The following TMCC1 variants were observed in gnomAD, a reference collection of about 807,000 sequenced individuals.
TMCC1 encodes transmembrane and coiled-coil domains protein 1.
TMCC1 carries 15 observed loss-of-function variants against 52.4 expected under a neutral mutation model. That is an observed-to-expected ratio of 0.29 (90% CI 0.19 to 0.44). The LOEUF (loss-of-function observed/expected upper bound fraction) is 0.44. TMCC1 is among the 20% of genes least tolerant of loss of function. TMCC1 has a pLI of 1.00. For synonymous variants in TMCC1, 279 were observed against 301.9 expected (o/e 0.92, Z 0.79); for missense variants, 503 against 806.0 (o/e 0.62, Z 4.55).
intron 4 of TMCC1, among the ~76,000 whole-genome samples, chr3:129,765,617 A>T (rs1402404806): frequency 6.6e-6 from 1 of 152,218 alleles, no homozygotes; most frequent in East Asian, 1.9e-4. Flanking sequence ...TTTAGTAATT[A>T]GCAACACAGA....
chr3:129,738,273 CAAAAAAAA>C (rs575044593), intron 4 of TMCC1, among the ~76,000 whole-genome samples: 2 of 118,608 alleles, frequency 1.7e-5, no homozygotes, highest in East Asian at 2.8e-4. Flanking sequence ...TCCGCCTAAA[CAAAAAAAA>C]AAAAAAAAAG....
At chr3:129,794,477 T>C (rs117961992) in intron 4 of TMCC1, 16 of 434,394 alleles carry the variant, frequency 3.7e-5, no homozygotes, top group Non-Finnish European at 5.9e-5. Flanking sequence ...TGCAAAGAAT[T>C]TCCCTGGGAG....
intron 5 of TMCC1, among the ~76,000 whole-genome samples, chr3:129,664,936 T>C (rs1312817348): frequency 6.6e-6 from 1 of 152,206 alleles, no homozygotes; most frequent in Non-Finnish European, 1.5e-5. Flanking sequence ...TGTTCTCAAC[T>C]GTAAATAAGA....
At chr3:129,726,644 C>A (rs754753512) in intron 4 of TMCC1, among the ~76,000 whole-genome samples, 3 of 151,504 alleles carry the variant, frequency 2.0e-5, no homozygotes, top group African/African-American at 7.3e-5. Context: ...TTTAGGAAGG[C>A]GAGGTGGGAG....
At chr3:129,703,162 T>G (rs2047969979) in intron 4 of TMCC1, among the ~76,000 whole-genome samples, 1 of 152,210 alleles carries the variant, frequency 6.6e-6, no homozygotes, top group East Asian at 1.9e-4. Flanking sequence ...TACTTAATTT[T>G]CCACTAAATT....
chr3:129,738,342 G>A (rs557838185), intron 4 of TMCC1, among the ~76,000 whole-genome samples: 1 of 151,374 alleles, frequency 6.6e-6, no homozygotes, highest in East Asian at 1.9e-4. Flanking sequence ...TGGCTTTTCA[G>A]TTCTAACACT....
chr3:129,835,948 T>C (rs532242904), intron 2 of TMCC1, among the ~76,000 whole-genome samples: 7 of 152,278 alleles, frequency 4.6e-5, no homozygotes, highest in African/African-American at 1.2e-4. Context: ...ACATTAAATG[T>C]AATTGGACCA....
At chr3:129,886,860 C>CTTTTTTAATGATA in intron 1 of TMCC1, among the ~76,000 whole-genome samples, 1 of 152,006 alleles carries the variant, frequency 6.6e-6, no homozygotes, top group African/African-American at 2.4e-5. Flanking sequence ...TCCCTGGAAC[C>CTTTTTTAATGATA]CGGGAGGCGG....
At chr3:129,867,369 C>A (rs1347552134) in intron 2 of TMCC1, among the ~76,000 whole-genome samples, 1 of 152,182 alleles carries the variant, frequency 6.6e-6, no homozygotes, top group Non-Finnish European at 1.5e-5. Flanking sequence ...ATCAAATCCT[C>A]CTGTAATCGC....
intron 4 of TMCC1, chr3:129,688,571 C>T (rs1180069853): frequency 1.0e-6 from 1 of 985,444 alleles, no homozygotes; most frequent in Non-Finnish European, 1.2e-6. Flanking sequence ...GTGCCCACCT[C>T]AGCCTATGTA....
chr3:129,700,824 A>G (rs2047769146), intron 4 of TMCC1, among the ~76,000 whole-genome samples: 1 of 152,170 alleles, frequency 6.6e-6, no homozygotes, highest in African/African-American at 2.4e-5. Flanking sequence ...ACACTGGAAA[A>G]GCAGCTTTGA....
chr3:129,850,568 A>G (rs2059871470), intron 2 of TMCC1, among the ~76,000 whole-genome samples: 1 of 152,192 alleles, frequency 6.6e-6, no homozygotes, highest in Non-Finnish European at 1.5e-5. Context: ...TTTCTCCCCA[A>G]GCAAGCTATA....
At chr3:129,687,175 G>A (rs2089468559) in intron 4 of TMCC1, among the ~76,000 whole-genome samples, 1 of 152,072 alleles carries the variant, frequency 6.6e-6, no homozygotes, top group South Asian at 2.1e-4. Context: ...AAAAAGTCAG[G>A]TGTCAATGGA....
chr3:129,792,181 T>TAC (rs1206893121), intron 4 of TMCC1, among the ~76,000 whole-genome samples: 1 of 149,338 alleles, frequency 6.7e-6, no homozygotes, highest in Non-Finnish European at 1.5e-5. Flanking sequence ...ACTGTATATA[T>TAC]ATATATACAT....
chr3:129,824,196 T>C (rs1190143147), intron 4 of TMCC1, among the ~76,000 whole-genome samples: 1 of 151,912 alleles, frequency 6.6e-6, no homozygotes, highest in Admixed American at 6.6e-5. Flanking sequence ...ATTAGCTGGG[T>C]ATGGTGGTGT....
intron 4 of TMCC1, among the ~76,000 whole-genome samples, chr3:129,794,065 T>C (rs2056650935): frequency 6.6e-6 from 1 of 152,312 alleles, no homozygotes; most frequent in Non-Finnish European, 1.5e-5. Context: ...GGAAATTCTA[T>C]CTCAGGAGCA....
At chr3:129,732,159 T>C (rs1283648558) in intron 4 of TMCC1, among the ~76,000 whole-genome samples, 2 of 152,232 alleles carry the variant, frequency 1.3e-5, no homozygotes, top group Non-Finnish European at 1.5e-5. Flanking sequence ...GTTTTCTACA[T>C]ATACAGTGAT....
chr3:129,781,927 G>C (rs1560406787), intron 4 of TMCC1, among the ~76,000 whole-genome samples: 1 of 152,128 alleles, frequency 6.6e-6, no homozygotes, highest in African/African-American at 2.4e-5. Context: ...AAAAAGTGGA[G>C]CCAAGATAAT....
At chr3:129,663,585 CT>C (rs1436193382) in intron 5 of TMCC1, among the ~76,000 whole-genome samples, 5 of 152,102 alleles carry the variant, frequency 3.3e-5, no homozygotes, top group African/African-American at 1.2e-4. Flanking sequence ...CTAAAAAACA[CT>C]GAACTAGCCT....
Sources: gnomAD v4.1 joint callset for allele counts (sites outside exome capture counted in the v4.1 genomes callset) on GRCh38, gnomAD v4.1.1 for gene constraint, MANE v1.5 for transcripts, NCBI Gene and HGNC (gene_info 2026-07-23, HGNC 2026-07-21) for gene names.